Variants in APBA1 observed in about 807,000 individuals in gnomAD.
APBA1 encodes the protein amyloid-beta A4 precursor protein-binding family A member 1.
In APBA1, 55 loss-of-function variants were observed where a neutral mutation model predicts 86.6. The ratio of observed to expected loss-of-function variants is 0.64; its 90% CI spans 0.51 to 0.80. The LOEUF is 0.80. APBA1 is among the 30% of genes least tolerant of loss of function. The pLI is 0.00. For missense variants in APBA1, 1,090 were observed against 1,183.0 expected (o/e 0.92, Z 1.15); for synonymous variants, 511 against 493.9 (o/e 1.03, Z -0.46).
intron 1 of APBA1, among the ~76,000 whole-genome samples, chr9:69,603,173 C>T (rs946778196): frequency 2.2e-4 from 33 of 152,206 alleles, no homozygotes; most frequent in African/African-American, 7.5e-4. Flanking sequence ...CCACAAACCA[C>T]CATCTGAGCC....
At chr9:69,439,476 TC>T (rs1239450981) in intron 11 of APBA1, among the ~76,000 whole-genome samples, 1 of 150,566 alleles carries the variant, frequency 6.6e-6, no homozygotes, top group Non-Finnish European at 1.5e-5. Flanking sequence ...TTTGTTCCTA[TC>T]TATCTATCTT....
intron 1 of APBA1, among the ~76,000 whole-genome samples, chr9:69,618,098 A>G (rs145614229): frequency 1.5e-3 from 227 of 152,356 alleles, no homozygotes; most frequent in East Asian, 6.0e-3. Flanking sequence ...TGTTTGCCTC[A>G]GGTGTGGGAT....
chr9:69,570,974 T>A (rs1837106214), intron 1 of APBA1, among the ~76,000 whole-genome samples: 1 of 152,192 alleles, frequency 6.6e-6, no homozygotes, highest in Non-Finnish European at 1.5e-5. Context: ...TTTTATCACT[T>A]CTTACATTGA....
At chr9:69,443,775 C>T (rs540093258) in intron 10 of APBA1, among the ~76,000 whole-genome samples, 6 of 152,234 alleles carry the variant, frequency 3.9e-5, no homozygotes, top group East Asian at 1.9e-4. Context: ...TATGTCTGTC[C>T]GCATTCAAAA....
At chr9:69,636,860 GGAGGGAGA>G (rs1281000784) in intron 1 of APBA1, among the ~76,000 whole-genome samples, 1 of 57,218 alleles carries the variant, frequency 1.7e-5, no homozygotes, top group Middle Eastern at 0.012. Flanking sequence ...AGGGAGGGAG[GGAGGGAGA>G]GAGAAAGAAA....
intron 1 of APBA1, among the ~76,000 whole-genome samples, chr9:69,599,236 C>T (rs1588386586): frequency 1.3e-5 from 2 of 152,202 alleles, no homozygotes; most frequent in South Asian, 4.1e-4. Context: ...ATTTTAAAAA[C>T]TAGTCTAAAT....
intron 11 of APBA1, among the ~76,000 whole-genome samples, chr9:69,436,322 A>T (rs1027409461): frequency 3.8e-4 from 58 of 150,960 alleles, no homozygotes; most frequent in African/African-American, 1.4e-3. Flanking sequence ...GAAGAAAGTC[A>T]TTGGTAGCTT....
At chr9:69,583,094 G>A (rs920844806) in intron 1 of APBA1, among the ~76,000 whole-genome samples, 1 of 152,216 alleles carries the variant, frequency 6.6e-6, no homozygotes, top group African/African-American at 2.4e-5. Context: ...CCCCCAGGCT[G>A]TCCTGTGGAA....
chr9:69,549,666 T>TTCGATTCATA (rs1836754426), intron 1 of APBA1, among the ~76,000 whole-genome samples: 1 of 152,048 alleles, frequency 6.6e-6, no homozygotes, highest in Non-Finnish European at 1.5e-5. Flanking sequence ...ATCCGAAAAA[T>TTCGATTCATA]TCGATTCATA....
chr9:69,516,782 G>T lies in APBA1; in HGVS notation c.429C>A (p.Arg143=). The change falls in exon 2 of 13, where the codon CGC becomes CGA. Residue 143 remains arginine (R), a synonymous_variant. Transcript: ENST00000265381. The surrounding 1 kb of genome is among the most constrained non-coding windows in gnomAD (Gnocchi z 7.3). The part of the protein sequence containing the change: ...AEAEHAEATH[R]RALPNHLHFH... ...AGTGCAGGTGGTTGGGCAGCGCGCG[G>T]CGGTGCGTGGCCTCGGCGTGCTCGG... The T allele has an allele frequency of 6.2e-7, 1 of 1,610,838 alleles. No homozygotes were observed.
At chr9:69,623,817 T>C (rs1822874880) in intron 1 of APBA1, among the ~76,000 whole-genome samples, 1 of 152,178 alleles carries the variant, frequency 6.6e-6, no homozygotes, top group Non-Finnish European at 1.5e-5. Context: ...AAAACAAAAC[T>C]GGTGGATTGC....
intron 3 of APBA1, among the ~76,000 whole-genome samples, chr9:69,474,868 G>C (rs558263010): frequency 6.6e-6 from 1 of 152,148 alleles, no homozygotes; most frequent in Admixed American, 6.5e-5. Flanking sequence ...CTTTAAAAGC[G>C]ATCTGCCACT....
intron 1 of APBA1, among the ~76,000 whole-genome samples, chr9:69,598,230 C>T (rs535324517): frequency 1.6e-4 from 24 of 150,098 alleles, no homozygotes; most frequent in African/African-American, 5.7e-4. Context: ...GGGAATTGAA[C>T]AATGAGATCA....
chr9:69,610,989 G>C (rs149153326), intron 1 of APBA1, among the ~76,000 whole-genome samples: 266 of 151,330 alleles, frequency 1.8e-3, no homozygotes, highest in African/African-American at 5.8e-3. Context: ...CTTTGAATCT[G>C]CTGACTTTTC....
intron 1 of APBA1, among the ~76,000 whole-genome samples, chr9:69,540,694 G>A (rs1836591861): frequency 6.6e-6 from 1 of 152,134 alleles, no homozygotes; most frequent in Non-Finnish European, 1.5e-5. Context: ...TGATCTCCTG[G>A]CTCAAGCGGT....
intron 1 of APBA1, among the ~76,000 whole-genome samples, chr9:69,528,545 T>C (rs1836377123): frequency 6.6e-6 from 1 of 152,126 alleles, no homozygotes; most frequent in African/African-American, 2.4e-5. Context: ...TTTTGTGAAA[T>C]GCCTTGGTAT....
chr9:69,468,401 GC>G (rs1353791972), intron 4 of APBA1, among the ~76,000 whole-genome samples: 1 of 143,204 alleles, frequency 7.0e-6, no homozygotes, highest in African/African-American at 2.7e-5. Flanking sequence ...TTTTAGAAAA[GC>G]TTTTTACAGC....
intron 1 of APBA1, among the ~76,000 whole-genome samples, chr9:69,555,344 C>T (rs966265156): frequency 3.3e-5 from 5 of 152,086 alleles, no homozygotes; most frequent in Non-Finnish European, 5.9e-5. Context: ...CCCTTGTATT[C>T]TATTTGACTA....
chr9:69,592,251 T>C (rs920407300), intron 1 of APBA1, among the ~76,000 whole-genome samples: 16 of 152,356 alleles, frequency 1.1e-4, no homozygotes, highest in Admixed American at 5.2e-4. Context: ...TATTTTACGA[T>C]GTCTTCATTC....
Sources: gnomAD v4.1 joint callset for allele counts (sites outside exome capture counted in the v4.1 genomes callset) on GRCh38, gnomAD v4.1.1 for gene constraint, Gnocchi (gnomAD v3.1) non-coding constraint, MANE v1.5 for transcripts, NCBI Gene and HGNC (gene_info 2026-07-23, HGNC 2026-07-21) for gene names.